The following TSPAN31 variants were observed in gnomAD, a reference collection of about 807,000 sequenced individuals.
TSPAN31 encodes the protein tetraspanin-31.
TSPAN31 carries 16 observed loss-of-function variants against 24.8 expected under a neutral mutation model. That is an observed-to-expected ratio of 0.64 (90% CI 0.44 to 0.98). The LOEUF (loss-of-function observed/expected upper bound fraction) is 0.98. Among genes scored for constraint, TSPAN31 ranks in the 50% least tolerant of loss-of-function variants. The pLI is 0.00. For missense variants in TSPAN31, 209 were observed against 251.6 expected (o/e 0.83, Z 1.15); for synonymous variants, 87 against 91.4 (o/e 0.95, Z 0.27).
In TSPAN31 at chr12:57,748,975, GGATTACAGGCGT is replaced by G. The variant is rs1955195473; in HGVS notation, c.*1688_*1699del. The G allele has an allele frequency of 1.5e-6, 1 of 663,812 alleles. No individual in the cohort carries two copies. The highest frequency in any genetic ancestry group is 1.8e-5 in the African/African-American group (1 of 54,816). The allele number at this position is 663,812 out of a possible 1,614,324, so 41.1% of individuals were successfully genotyped here. A position where few individuals can be genotyped will look rare whatever the true frequency, so the allele number is the denominator to read the frequency against. On this transcript the variant is annotated 3_prime_UTR_variant, in exon 6 of 6. Transcript: ENST00000257910. ...CCCACCTTGGCCTCCCAAAGTGCTGGGATTACAGGCGTGAGCCACCGTGCCCAGCCAGGATGG... is the reference window on the plus strand; with the variant it reads ...CCCACCTTGGCCTCCCAAAGTGCTGGGAGCCACCGTGCCCAGCCAGGATGG...
Position 57,748,088 on chromosome 12 carries a change from G to T in TSPAN31, c.*798G>T. ...CAATTTCAGTTCCTTTCTAAGCTTT[G>T]TCAGTCAAGGGGCTCCACTGACTTC... On this transcript the variant is annotated 3_prime_UTR_variant, in exon 6 of 6. Transcript: ENST00000257910. 3.7e-6 allele frequency: 1 copy of T among 273,158 alleles called. No individual in the cohort carries two copies. Among genetic ancestry groups the T allele is most frequent in the Non-Finnish European group, 7.0e-6 (1 of 142,114 alleles). 16.9% of individuals were successfully genotyped at this position (273,158 alleles called of 1,614,324 possible).
In TSPAN31 at chr12:57,750,193, A is replaced by C. The variant is rs947153431; in HGVS notation, c.*2903A>C. 6.9e-6 allele frequency: 1 copy of C among 143,966 alleles called. No homozygotes were observed. Among genetic ancestry groups the C allele is most frequent in the African/African-American group, 2.7e-5 (1 of 36,986 alleles). The allele number at this position is 143,966 out of a possible 1,614,324, so 8.9% of individuals were successfully genotyped here. On this transcript the variant is annotated 3_prime_UTR_variant, in exon 6 of 6. Coordinates refer to ENST00000257910, the MANE Select transcript of TSPAN31 (RefSeq NM_005981.5). The stretch of plus-strand genomic sequence containing the variant: ...TAAATAAATAAATAAATAAATAAAT[A>C]AATAAAAAATAAAGAGAATAAAGGG...
chr12:57,749,355 C>T lies in TSPAN31; in HGVS notation c.*2065C>T, dbSNP rs755392965. On this transcript the variant is annotated 3_prime_UTR_variant, in exon 6 of 6. Transcript: ENST00000257910. ...GGAGAACTCTGGTCAGGAGGGTCCT[C>T]CAGTTCCCATCCCCATGGGCAGAGC... 8 of 1,614,082 alleles carry T rather than the reference C, an allele frequency of 5.0e-6. No homozygotes were observed. The Admixed American group carries it at 1.2e-4, about 24-fold the overall frequency.
chr12:57,746,514 G>C (rs1955154331), intron 3 of TSPAN31, 75 bp from the exon 4 acceptor site: 1 of 1,576,518 alleles, frequency 6.3e-7, no homozygotes, highest in African/African-American at 1.3e-5. Flanking sequence ...CCTTTGCTGG[G>C]CTAGGGAAAT....
chr12:57,749,031 C>T lies in TSPAN31; in HGVS notation c.*1741C>T, dbSNP rs1955196440. The T allele has an allele frequency of 9.9e-7, 1 of 1,005,254 alleles. No individual in the cohort carries two copies. Among genetic ancestry groups the T allele is most frequent in the Non-Finnish European group, 1.6e-6 (1 of 642,232 alleles). The allele number at this position is 1,005,254 out of a possible 1,614,324, so 62.3% of individuals were successfully genotyped here. ...AGGATGGGTTCTCTTCTATATCCTTCTCTGTGGGTGGCTATTTGCAGCTGT... is the reference window on the plus strand; with the variant it reads ...AGGATGGGTTCTCTTCTATATCCTTTTCTGTGGGTGGCTATTTGCAGCTGT... On this transcript the variant is annotated 3_prime_UTR_variant, in exon 6 of 6. Coordinates refer to ENST00000257910, the MANE Select transcript of TSPAN31 (RefSeq NM_005981.5).
chr12:57,745,799 G>A lies in TSPAN31; in HGVS notation c.118G>A (p.Val40Met). 6.2e-7 allele frequency: 1 copy of A among 1,613,884 alleles called. No homozygotes were observed. The highest frequency in any genetic ancestry group is 8.5e-7 in the Non-Finnish European group (1 of 1,179,958). The stretch of plus-strand genomic sequence containing the variant: ...TGCTTGGGGCAAGGGCCTGGGTCTG[G>A]TGTCCAGCATCCACATCATCGGCGG... Reference protein sequence around the residue: ...VAAWGKGLGLVSSIHIIGGVI... With the variant: ...VAAWGKGLGLMSSIHIIGGVI... Residue 40 changes from valine (V) to methionine (M), a missense_variant, in exon 2 of 6, where the codon GTG becomes ATG. By Grantham distance (21) the Val-to-Met change is conservative. Transcript: ENST00000257910.
In TSPAN31 at chr12:57,749,122, T is replaced by A. The variant is rs1955197839; in HGVS notation, c.*1832T>A. 6.2e-7 allele frequency: 1 copy of A among 1,606,860 alleles called. No homozygotes were observed. Among genetic ancestry groups the A allele is most frequent in the Non-Finnish European group, 8.5e-7 (1 of 1,173,348 alleles). On this transcript the variant is annotated 3_prime_UTR_variant, in exon 6 of 6. Coordinates refer to ENST00000257910, the MANE Select transcript of TSPAN31 (RefSeq NM_005981.5). ...CCACAGTGGCCAGGGCCCTGCATAC[T>A]GCTCTATTTCTTTCCCCAGTCTCTA...
At chr12:57,745,581 G>GA in intron 1 of TSPAN31, 164 bp from the exon 2 acceptor site, 1 of 821,448 alleles carries the variant, frequency 1.2e-6, no homozygotes, top group Non-Finnish European at 1.9e-6. Context: ...TAACCTTTGG[G>GA]AGTGCCTAGG....
At chr12:57,746,823 C>G in intron 4 of TSPAN31, 103 bp downstream of exon 4, 3 of 1,533,546 alleles carry the variant, frequency 2.0e-6, no homozygotes, top group South Asian at 1.2e-5. Flanking sequence ...GTTTCTCTCT[C>G]TACAAGCCCT....
In TSPAN31 at chr12:57,748,231, A is replaced by T. The variant is rs1198394660; in HGVS notation, c.*941A>T. 5.2e-6 allele frequency: 2 copies of T among 383,552 alleles called. No individual in the cohort carries two copies. The highest frequency in any genetic ancestry group is 8.7e-5 in the Admixed American group (2 of 22,872). The allele number at this position is 383,552 out of a possible 1,614,324, so 23.8% of individuals were successfully genotyped here. A position where few individuals can be genotyped will look rare whatever the true frequency, so the allele number is the denominator to read the frequency against. On this transcript the variant is annotated 3_prime_UTR_variant, in exon 6 of 6. Transcript: ENST00000257910. ...CAGAGGAAGAAACATTAAAAAAAAA[A>T]AAAAGACCATTATTTCTTTGTTTTG...
Position 57,747,086 on chromosome 12 carries a change from C to T in TSPAN31, c.513C>T (p.Ala171=), listed in dbSNP as rs1304948745. Residue 171 remains alanine (A), a synonymous_variant, in exon 5 of 6, where the codon GCC becomes GCT. Coordinates refer to ENST00000257910, the MANE Select transcript of TSPAN31 (RefSeq NM_005981.5). ...AGTTTCTTAAGCATTCAGACGAAGC[C>T]CTGAAAATCCTAGGGGGTGTTGGAC... The part of the protein sequence containing the change: ...GEKFLKHSDE[A]LKILGGVGLF... The T allele has an allele frequency of 1.2e-6, 2 of 1,613,978 alleles. No homozygotes were observed. The highest frequency in any genetic ancestry group is 1.7e-6 in the Non-Finnish European group (2 of 1,179,996).
intron 3 of TSPAN31, 42 bp downstream of exon 3, chr12:57,746,298 T>A (rs1225066916): frequency 1.9e-6 from 3 of 1,578,450 alleles, no homozygotes; most frequent in African/African-American, 1.3e-5. Context: ...CTTTTTAAAA[T>A]TTTCCTCTTA....
intron 1 of TSPAN31, 107 bp from the exon 2 acceptor site, chr12:57,745,638 C>G (rs1955137896): frequency 7.2e-7 from 1 of 1,393,118 alleles, no homozygotes; most frequent in Non-Finnish European, 1.0e-6. Flanking sequence ...CATTCACACA[C>G]TATTCCATTA....
Position 57,748,698 on chromosome 12 carries a change from CTTCTT to C in TSPAN31, c.*1411_*1415del. 1.1e-6 allele frequency: 1 copy of C among 869,802 alleles called. No homozygotes were observed. Among genetic ancestry groups the C allele is most frequent in the Non-Finnish European group, 1.9e-6 (1 of 527,584 alleles). 53.9% of individuals were successfully genotyped at this position (869,802 alleles called of 1,614,324 possible). On this transcript the variant is annotated 3_prime_UTR_variant, in exon 6 of 6. Transcript: ENST00000257910. ...CACAACAATACCTGGGATGAGCTTT[CTTCTT>C]TTTTCTTTTTTTTTTTTTTTGAGAC...
chr12:57,745,890 A>G lies in TSPAN31; in HGVS notation c.209A>G (p.His70Arg), dbSNP rs776006635. The change falls in exon 2 of 6, where the codon CAC (histidine) becomes CGC (arginine). Residue 70 changes from histidine to arginine, a missense_variant. Transcript: ENST00000257910. ...AVAGLVGAVNHHQVLLFFYMI... is the reference protein window; with the variant it reads ...AVAGLVGAVNRHQVLLFFYMI... ...GCTGGACTGGTGGGTGCTGTCAACC[A>G]CCACCAAGTCCTGCTGTTCTTTGTA... is the stretch of plus-strand genomic sequence containing the variant. 15 of 1,609,260 alleles carry G rather than the reference A, an allele frequency of 9.3e-6. No homozygotes were observed. The highest frequency in any genetic ancestry group is 2.2e-5 in the East Asian group (1 of 44,848).
At position 57,748,396 on chromosome 12, in the gene TSPAN31, C is replaced by T; in HGVS notation, c.*1106C>T. ...TGGGAGGGGAATGTCATTAAGGCAG[C>T]AAAGTAATCTCTGTAGAAAGATGGA... On this transcript the variant is annotated 3_prime_UTR_variant, in exon 6 of 6. Coordinates refer to ENST00000257910, the MANE Select transcript of TSPAN31 (RefSeq NM_005981.5). 1 of 774,062 alleles carries T rather than the reference C, an allele frequency of 1.3e-6. No homozygotes were observed. Among genetic ancestry groups the T allele is most frequent in the Non-Finnish European group, 2.3e-6 (1 of 425,610 alleles). 47.9% of individuals were successfully genotyped at this position (774,062 alleles called of 1,614,324 possible). A position where few individuals can be genotyped will look rare whatever the true frequency, so the allele number is the denominator to read the frequency against.
chr12:57,745,342 A>G (rs1955134195), intron 1 of TSPAN31, 125 bp downstream of exon 1: 2 of 1,085,746 alleles, frequency 1.8e-6, no homozygotes, highest in South Asian at 2.8e-5. Flanking sequence ...ACTTCCGGCG[A>G]CGAGGGAATT....
intron 3 of TSPAN31, 140 bp from the exon 4 acceptor site, chr12:57,746,449 G>T (rs747941989): frequency 6.5e-6 from 8 of 1,230,910 alleles, no homozygotes; most frequent in Non-Finnish European, 9.5e-6. Flanking sequence ...ACCTCAAAAG[G>T]TAGATATTTA....
rs982684570 is a variant in TSPAN31 at position 57,750,107 on chromosome 12, T to C, written c.*2817T>C. 2.0e-5 allele frequency: 3 copies of C among 152,456 alleles called. No homozygotes were observed. The highest frequency in any genetic ancestry group is 7.3e-5 in the African/African-American group (3 of 41,068). 9.4% of individuals were successfully genotyped at this position (152,456 alleles called of 1,614,324 possible). On this transcript the variant is annotated 3_prime_UTR_variant, in exon 6 of 6. Transcript: ENST00000257910. ...AGGTAGAGGCTACAGTGAGCTGTAA[T>C]TGGGCCACTGCACTCCAGCCTGGGT...
Sources: allele counts gnomAD v4.1 joint callset, GRCh38; gene constraint gnomAD v4.1.1; transcripts MANE v1.5; gene names NCBI Gene and HGNC (gene_info 2026-07-23, HGNC 2026-07-21).